The following SHANK2 variants were observed in gnomAD, a reference collection of about 807,000 sequenced individuals.
The protein encoded by SHANK2 is SH3 and multiple ankyrin repeat domains protein 2.
SHANK2 carries 43 observed loss-of-function variants against 133.7 expected under a neutral mutation model. That is an observed-to-expected ratio of 0.32 (90% CI 0.25 to 0.41). SHANK2 has a LOEUF of 0.41. SHANK2 is among the 10% of genes least tolerant of loss of function. The probability of loss-of-function intolerance (pLI) is 1.00; values close to 1 mark genes in which losing one functional copy is unlikely to be tolerated. For missense variants in SHANK2, 1,994 were observed against 2,235.8 expected (o/e 0.89, Z 2.18); for synonymous variants, 1,017 against 952.8 (o/e 1.07, Z -1.24).
At chr11:71,108,663 C>T (rs782610995) in intron 6 of SHANK2, among the ~76,000 whole-genome samples, 4 of 152,212 alleles carry the variant, frequency 2.6e-5, no homozygotes, top group African/African-American at 4.8e-5. Context: ...CATGGAGGAT[C>T]GGCGCAGGGC....
chr11:70,949,247 C>T (rs1250225478), intron 10 of SHANK2, among the ~76,000 whole-genome samples: 1 of 152,224 alleles, frequency 6.6e-6, no homozygotes, highest in Non-Finnish European at 1.5e-5. Flanking sequence ...GCCTCAGTAC[C>T]GCCCCTCCCG....
chr11:70,468,641 T>C lies in SHANK2; in HGVS notation c.*4228A>G, dbSNP rs1048030241. The C allele has an allele frequency of 6.6e-6, 1 of 152,128 alleles. No homozygotes were observed. Among genetic ancestry groups the C allele is most frequent in the African/African-American group, 2.4e-5 (1 of 41,436 alleles). 9.4% of individuals were successfully genotyped at this position (152,128 alleles called of 1,614,324 possible). A position where few individuals can be genotyped will look rare whatever the true frequency, so the allele number is the denominator to read the frequency against. ...AGGAAAAGTGGTCTGGAAGAAACCA[T>C]TGGAAGCAAAGTCTAGGGGGGTGCC... On this transcript the variant is annotated 3_prime_UTR_variant, in exon 26 of 26. Coordinates refer to ENST00000601538, the MANE Select transcript of SHANK2 (RefSeq NM_012309.5).
At chr11:71,087,110 A>G (rs974349695) in intron 8 of SHANK2, among the ~76,000 whole-genome samples, 1 of 152,160 alleles carries the variant, frequency 6.6e-6, no homozygotes, top group African/African-American at 2.4e-5. Flanking sequence ...AGGCCCCGGG[A>G]CCAAGGTGGC....
At chr11:70,873,100 T>C (rs556614098) in intron 11 of SHANK2, 1 of 471,260 alleles carries the variant, frequency 2.1e-6, no homozygotes, top group East Asian at 7.0e-5. Context: ...AACCTGCAGC[T>C]TGGGCCCTGC....
chr11:71,127,826 T>C (rs1952219526), intron 3 of SHANK2, among the ~76,000 whole-genome samples: 2 of 152,242 alleles, frequency 1.3e-5, no homozygotes, highest in Non-Finnish European at 2.9e-5. Context: ...ATGCCTGTTA[T>C]GTAAGTCATT....
At position 70,753,811 on chromosome 11, in the gene SHANK2, A is replaced by ACTGTGTGTGTGTGTGTGT. The variant is rs71049937; in HGVS notation, c.1777+44631_1777+44632insACACACACACACACACAG. ...TGTCTTACATCTATTAAAGATATTA[A>ACTGTGTGTGTGTGTGTGT]GTGTGTGTGTGTGTGTTTGAGACAG... On this transcript the variant is annotated intron_variant, in intron 14 of 25. Coordinates refer to ENST00000601538, the MANE Select transcript of SHANK2 (RefSeq NM_012309.5). 1.2e-3 allele frequency among the ~76,000 whole-genome samples: 173 copies of ACTGTGTGTGTGTGTGTGT among 144,788 alleles called. 11 individuals carry two copies. Among genetic ancestry groups the ACTGTGTGTGTGTGTGTGT allele is most frequent in the African/African-American group, 3.2e-3 (121 of 38,256 alleles). 95.0% of individuals were successfully genotyped at this position (144,788 alleles called of 152,430 possible).
chr11:71,243,890 A>G (rs1954925372), intron 1 of SHANK2, among the ~76,000 whole-genome samples: 1 of 152,212 alleles, frequency 6.6e-6, no homozygotes, highest in East Asian at 1.9e-4. Flanking sequence ...AGTTTTCACA[A>G]AGAAAAGCCT....
chr11:70,568,646 GCCCC>G (rs66982078), intron 17 of SHANK2, among the ~76,000 whole-genome samples: 1 of 79,966 alleles, frequency 1.3e-5, no homozygotes, highest in African/African-American at 3.9e-5. Flanking sequence ...GCGGATTCCT[GCCCC>G]CCCCGCCCAC....
At chr11:71,132,429 A>T (rs547959472) in intron 3 of SHANK2, among the ~76,000 whole-genome samples, 163 of 152,260 alleles carry the variant, frequency 1.1e-3, no homozygotes, top group African/African-American at 3.9e-3. Flanking sequence ...ACACTGTGGG[A>T]TTTACAGAGC....
At chr11:71,143,853 G>T (rs1259074595) in intron 3 of SHANK2, among the ~76,000 whole-genome samples, 4 of 151,754 alleles carry the variant, frequency 2.6e-5, no homozygotes, top group African/African-American at 9.7e-5. Flanking sequence ...ACTTCCTCTG[G>T]GAGCAATGGC....
At chr11:70,644,907 C>G (rs1051050889) in intron 17 of SHANK2, among the ~76,000 whole-genome samples, 1 of 152,206 alleles carries the variant, frequency 6.6e-6, no homozygotes, top group Admixed American at 6.5e-5. Context: ...GGACTATGAA[C>G]AAGCAGGAAA....
At position 70,502,558 on chromosome 11, in the gene SHANK2, C is replaced by A. The variant is rs1390858001; in HGVS notation, c.2197+238G>T. ...GAGTGGGAAGCCTGCGGAAGGGACG[C>A]CTGCTAGTGACTAAAAGGGCACTCC... On this transcript the variant is annotated intron_variant, in intron 18 of 25. Coordinates refer to ENST00000601538, the MANE Select transcript of SHANK2 (RefSeq NM_012309.5). Among the ~76,000 whole-genome samples the A allele has an allele frequency of 3.3e-5, 5 of 152,248 alleles. No individual in the cohort carries two copies. The East Asian group carries it at 7.7e-4, about 24-fold the overall frequency.
intron 14 of SHANK2, among the ~76,000 whole-genome samples, chr11:70,745,030 C>G (rs1946609050): frequency 6.6e-6 from 1 of 152,230 alleles, no homozygotes; most frequent in Non-Finnish European, 1.5e-5. Context: ...GCGGCAGCAC[C>G]AGGAAGCCAA....
chr11:70,950,712 A>T (rs1275793779), intron 10 of SHANK2, among the ~76,000 whole-genome samples: 1 of 152,032 alleles, frequency 6.6e-6, no homozygotes, highest in Non-Finnish European at 1.5e-5. Context: ...GGTTCAAGTG[A>T]TTCTCATGCC....
intron 11 of SHANK2, among the ~76,000 whole-genome samples, chr11:70,867,966 C>T (rs1374505829): frequency 2.0e-5 from 3 of 152,218 alleles, no homozygotes; most frequent in Non-Finnish European, 4.4e-5. Flanking sequence ...GTGCCTCCCT[C>T]TAAATTGATC....
At chr11:70,827,601 G>A (rs1047225739) in intron 11 of SHANK2, among the ~76,000 whole-genome samples, 2 of 149,358 alleles carry the variant, frequency 1.3e-5, no homozygotes, top group Non-Finnish European at 3.0e-5. Flanking sequence ...GGATGCCTCT[G>A]CTGGGCTGTA....
intron 11 of SHANK2, among the ~76,000 whole-genome samples, chr11:70,844,723 G>A (rs1555062709): frequency 6.6e-6 from 1 of 152,264 alleles, no homozygotes; most frequent in Non-Finnish European, 1.5e-5. Flanking sequence ...ATAACACGGC[G>A]GAGAACATTT....
At chr11:70,774,600 C>T (rs1947323608) in intron 14 of SHANK2, among the ~76,000 whole-genome samples, 1 of 152,086 alleles carries the variant, frequency 6.6e-6, no homozygotes. Flanking sequence ...CAGGAGTGAG[C>T]CACCGTGCCT....
At chr11:70,499,147 G>C (rs1165810880) in intron 21 of SHANK2, among the ~76,000 whole-genome samples, 1 of 152,254 alleles carries the variant, frequency 6.6e-6, no homozygotes, top group African/African-American at 2.4e-5. Flanking sequence ...CCCGCACTTC[G>C]CATGTGCGCC....
Sources: gnomAD v4.1 joint callset for allele counts (sites outside exome capture counted in the v4.1 genomes callset) on GRCh38, gnomAD v4.1.1 for gene constraint, MANE v1.5 for transcripts, NCBI Gene and HGNC (gene_info 2026-07-23, HGNC 2026-07-21) for gene names.